Variants in SYTL2 observed in about 807,000 individuals in gnomAD.
SYTL2 encodes the protein synaptotagmin-like protein 2.
In SYTL2, 165 loss-of-function variants were observed where a neutral mutation model predicts 198.7. That is an observed-to-expected ratio of 0.83 (90% CI 0.73 to 0.94). SYTL2 has a LOEUF of 0.94. Among genes scored for constraint, SYTL2 ranks in the 40% least tolerant of loss-of-function variants. SYTL2 has a pLI of 0.00. For missense variants in SYTL2, 2,835 were observed against 2,582.8 expected, an observed-to-expected ratio of 1.10 and a Z score of -2.12; for synonymous variants, 966 against 917.7, an observed-to-expected ratio of 1.05 and a Z score of -0.95.
the SYTL2 span, among the ~76,000 whole-genome samples, chr11:85,825,495 T>C: frequency 1.3e-5 from 2 of 152,096 alleles, no homozygotes; most frequent in African/African-American, 4.8e-5. Flanking sequence ...GGTTTGTGTT[T>C]CCAAGCAACT....
rs867379709 is a variant in SYTL2, at chr11:85,727,099, C to A, written c.2259G>T (p.Lys753Asn). ...LKASLEPENI[K>N]STPGVANNGS... ...CATTGTTGGCAACCCCAGGTGTTGACTTAATATTCTCTGGCTCTAAGGAGG... is the reference window on the plus strand; with the variant it reads ...CATTGTTGGCAACCCCAGGTGTTGAATTAATATTCTCTGGCTCTAAGGAGG... The change falls in exon 8 of 20, where the codon AAG becomes AAT. Residue 753 changes from lysine (K) to asparagine (N), a missense_variant. This residue lies in a region of SYTL2 where 2,645 missense variants were observed against 2,381.7 expected (regional missense o/e 1.11). Coordinates refer to ENST00000359152, the MANE Select transcript of SYTL2 (RefSeq NM_206927.4). 1 of 1,535,774 alleles carries A rather than the reference C, an allele frequency of 6.5e-7. No individual in the cohort carries two copies. Among genetic ancestry groups the A allele is most frequent in the African/African-American group, 1.4e-5 (1 of 73,102 alleles).
intron 7 of SYTL2, among the ~76,000 whole-genome samples, chr11:85,728,388 G>C (rs1019660010): frequency 3.3e-5 from 5 of 152,088 alleles, no homozygotes; most frequent in Non-Finnish European, 7.4e-5. Context: ...CCAGGTTCAA[G>C]CGATTCTTCT....
the SYTL2 span, chr11:85,854,626 G>GA: frequency 1.3e-5 from 2 of 152,094 alleles, no homozygotes; most frequent in Non-Finnish European, 1.5e-5. Context: ...ATTAGTGCAC[G>GA]AAAGTAGAAA....
chr11:85,793,115 A>T (rs1319816654), intron 1 of SYTL2, among the ~76,000 whole-genome samples: 2 of 151,828 alleles, frequency 1.3e-5, no homozygotes, highest in African/African-American at 4.9e-5. Context: ...TTATAGCAGC[A>T]TGATTTATAG....
rs568137358 is a variant in SYTL2, at chr11:85,793,609, A to C, written c.-390+17345T>G. 2.7e-4 allele frequency among the ~76,000 whole-genome samples: 41 copies of C among 152,346 alleles called. 1 individual carries two copies. In the South Asian group the frequency reaches 8.5e-3, roughly 32 times the overall value. ...ACTCTGATAACATCCATGAAATTTA[A>C]TTTGAGATATCTCATAACCAATATT... On this transcript the variant is annotated intron_variant, in intron 1 of 19. Transcript: ENST00000359152.
At chr11:85,737,865 G>A (rs2153500819) in intron 4 of SYTL2, among the ~76,000 whole-genome samples, 1 of 152,302 alleles carries the variant, frequency 6.6e-6, no homozygotes, top group South Asian at 2.1e-4. Flanking sequence ...CAAGTGAAGT[G>A]AGCAGGCTCC....
At chr11:85,695,817 T>C (rs960708437) in intron 19 of SYTL2, among the ~76,000 whole-genome samples, 2 of 152,196 alleles carry the variant, frequency 1.3e-5, no homozygotes, top group African/African-American at 4.8e-5. Context: ...ATAATGTAAA[T>C]GAAGCATTTA....
chr11:85,804,976 A>C (rs75633310), intron 1 of SYTL2, among the ~76,000 whole-genome samples: 3,227 of 152,336 alleles, frequency 0.021, 63 homozygotes, highest in Admixed American at 0.039. Flanking sequence ...CACCCAGCAC[A>C]GCATCTCAAT....
At chr11:85,714,682 T>C (rs2086873156) in intron 11 of SYTL2, 175 bp from the exon 12 acceptor site, 1 of 1,337,884 alleles carries the variant, frequency 7.5e-7, no homozygotes. Context: ...GCAGTTTTTA[T>C]AAATTATATA....
intron 1 of SYTL2, among the ~76,000 whole-genome samples, chr11:85,772,085 G>A (rs1007899859): frequency 6.6e-6 from 1 of 151,914 alleles, no homozygotes; most frequent in African/African-American, 2.4e-5. Flanking sequence ...TTATTTTTTG[G>A]TAGAGACAAG....
intron 1 of SYTL2, among the ~76,000 whole-genome samples, chr11:85,809,663 A>G (rs950526508): frequency 6.6e-5 from 10 of 152,198 alleles, no homozygotes; most frequent in Non-Finnish European, 1.3e-4. Context: ...AGGGTATAGT[A>G]CATCACCCCT....
intron 1 of SYTL2, among the ~76,000 whole-genome samples, chr11:85,795,819 G>A (rs1049724008): frequency 8.6e-5 from 13 of 151,956 alleles, no homozygotes; most frequent in African/African-American, 3.1e-4. Context: ...GACAGAGCAG[G>A]CCACAACTCC....
At chr11:85,712,930 C>A (rs1359487891) in intron 12 of SYTL2, among the ~76,000 whole-genome samples, 1 of 152,044 alleles carries the variant, frequency 6.6e-6, no homozygotes, top group Non-Finnish European at 1.5e-5. Context: ...GTTGGCCAGG[C>A]TGGTCTCAAA....
In SYTL2 at chr11:85,726,077, T is replaced by C. The variant is rs113068280; in HGVS notation, c.3281A>G (p.Asn1094Ser). 3.7e-6 allele frequency: 6 copies of C among 1,613,642 alleles called. No homozygotes were observed. Among genetic ancestry groups the C allele is most frequent in the African/African-American group, 1.3e-5 (1 of 75,028 alleles). Reference protein sequence around the residue: ...NESSKENVEKNTEGIVTPVFK... With the variant: ...NESSKENVEKSTEGIVTPVFK... ...CACTGGAGTAACAATCCCTTCCGTA[T>C]TCTTTTCCACATTTTCCTTTGATGA... The change falls in exon 8 of 20, where the codon AAT (asparagine) becomes AGT (serine). Residue 1094 changes from asparagine to serine, a missense_variant. Around this residue, in one of 3 missense-constraint regions of SYTL2, gnomAD observed 2,645 missense variants for 2,381.7 expected, o/e 1.11. Coordinates refer to ENST00000359152, the MANE Select transcript of SYTL2 (RefSeq NM_206927.4).
chr11:85,853,310 G>A, the SYTL2 span: 21 of 445,626 alleles, frequency 4.7e-5, no homozygotes, highest in Non-Finnish European at 7.6e-5. Context: ...ATTTTGTTCT[G>A]TACTAGGAAA....
At chr11:85,745,515 C>T in intron 4 of SYTL2, 122 bp downstream of exon 4, 1 of 1,077,848 alleles carries the variant, frequency 9.3e-7, no homozygotes, top group Admixed American at 2.2e-5. Context: ...TCATACACTG[C>T]CCCTTCCCCA....
the SYTL2 span, among the ~76,000 whole-genome samples, chr11:85,835,303 G>A: frequency 1.7e-4 from 26 of 151,898 alleles, no homozygotes; most frequent in Admixed American, 5.9e-4. Flanking sequence ...TTAATTTCTC[G>A]TTATGGTAGA....
intron 10 of SYTL2, chr11:85,717,768 T>C (rs2087592907): frequency 1.8e-6 from 1 of 551,494 alleles, no homozygotes; most frequent in African/African-American, 1.9e-5. Flanking sequence ...CTTCCTGTAA[T>C]TCACTAGACC....
At chr11:85,728,080 T>C (rs78874199) in intron 7 of SYTL2, 113 bp from the exon 8 acceptor site, 23,534 of 880,490 alleles carry the variant, frequency 0.027, 398 homozygotes, top group Middle Eastern at 0.052. Flanking sequence ...TCTATACCAA[T>C]AGCTGTTTAT....
Sources: gnomAD v4.1 joint callset for allele counts (sites outside exome capture counted in the v4.1 genomes callset) on GRCh38, gnomAD v4.1.1 for gene constraint, gnomAD v4.1.1 regional missense constraint, MANE v1.5 for transcripts, NCBI Gene and HGNC (gene_info 2026-07-23, HGNC 2026-07-21) for gene names.